The following HHAT variants were observed in gnomAD, a reference collection of about 807,000 sequenced individuals.
HHAT encodes the protein hedgehog acyltransferase.
HHAT carries 47 observed loss-of-function variants against 70.8 expected under a neutral mutation model. The observed-to-expected ratio is 0.66, with a 90% CI of 0.53 to 0.85. The LOEUF (loss-of-function observed/expected upper bound fraction) is 0.85, where lower values mean the gene tolerates loss of function less well. Among genes scored for constraint, HHAT ranks in the 40% least tolerant of loss-of-function variants. The pLI is 0.00. For synonymous variants in HHAT, 228 were observed against 247.6 expected, an observed-to-expected ratio of 0.92 and a Z score of 0.74; for missense variants, 609 against 604.8, an observed-to-expected ratio of 1.01 and a Z score of -0.07.
intron 4 of HHAT, among the ~76,000 whole-genome samples, chr1:210,396,075 C>A (rs2091767202): frequency 6.6e-6 from 1 of 152,132 alleles, no homozygotes; most frequent in African/African-American, 2.4e-5. Context: ...TTAAGTCAAC[C>A]AGGGTTAGTA....
intron 5 of HHAT, among the ~76,000 whole-genome samples, chr1:210,402,428 T>C (rs1306424149): frequency 6.6e-6 from 1 of 152,178 alleles, no homozygotes; most frequent in East Asian, 1.9e-4. Flanking sequence ...CCTTTACACA[T>C]TTACGTATGT....
chr1:210,363,004 G>T (rs866327143), intron 3 of HHAT, 85 bp downstream of exon 3: 1 of 1,158,102 alleles, frequency 8.6e-7, no homozygotes, highest in Non-Finnish European at 1.3e-6. Context: ...GTCGATCCAG[G>T]TATCAGATTC....
intron 9 of HHAT, among the ~76,000 whole-genome samples, chr1:210,553,021 C>G (rs1450817950): frequency 6.6e-6 from 1 of 152,142 alleles, no homozygotes; most frequent in Non-Finnish European, 1.5e-5. Context: ...CTTTATTCCC[C>G]CATTCAGGTG....
At chr1:210,578,191 C>G (rs1658355528) in intron 9 of HHAT, among the ~76,000 whole-genome samples, 1 of 151,970 alleles carries the variant, frequency 6.6e-6, no homozygotes, top group South Asian at 2.1e-4. Context: ...TTTAGATTTT[C>G]CTGATTCATT....
chr1:210,384,808 T>C (rs1425871025), intron 3 of HHAT, among the ~76,000 whole-genome samples: 3 of 152,258 alleles, frequency 2.0e-5, no homozygotes, highest in Admixed American at 6.5e-5. Flanking sequence ...AATGTGTGAC[T>C]GAGCTCAGAG....
chr1:210,568,889 G>T (rs1353219566), intron 9 of HHAT, among the ~76,000 whole-genome samples: 1 of 152,142 alleles, frequency 6.6e-6, no homozygotes, highest in African/African-American at 2.4e-5. Flanking sequence ...ACAACTTGGG[G>T]CCTGTGATTG....
At chr1:210,488,746 A>G (rs1189377389) in intron 8 of HHAT, among the ~76,000 whole-genome samples, 2 of 150,266 alleles carry the variant, frequency 1.3e-5, no homozygotes, top group Non-Finnish European at 3.0e-5. Context: ...TTTAAAAATG[A>G]GTAGAGCTTG....
intron 9 of HHAT, among the ~76,000 whole-genome samples, chr1:210,555,330 G>A (rs748459372): frequency 9.2e-5 from 14 of 152,294 alleles, no homozygotes; most frequent in Non-Finnish European, 1.6e-4. Flanking sequence ...AAGAGAAAGC[G>A]TCAGCCTCCA....
Position 210,375,122 on chromosome 1 carries a change from T to C in HHAT, c.159+12203T>C, listed in dbSNP as rs529374372. 3.8e-5 allele frequency among the ~76,000 whole-genome samples: 5 copies of C among 129,940 alleles called. No homozygotes were observed. The South Asian group carries it at 9.0e-4, about 23-fold the overall frequency. 85.2% of individuals were successfully genotyped at this position (129,940 alleles called of 152,430 possible). ...TTACTTGTGTATATGTATATAGTTATATGTGGTTTTATCACATGTGTAGAT... is the reference window on the plus strand; with the variant it reads ...TTACTTGTGTATATGTATATAGTTACATGTGGTTTTATCACATGTGTAGAT... On this transcript the variant is annotated intron_variant, in intron 3 of 11. Coordinates refer to ENST00000261458, the MANE Select transcript of HHAT (RefSeq NM_018194.6).
At chr1:210,553,963 C>T (rs1490451949) in intron 9 of HHAT, among the ~76,000 whole-genome samples, 1 of 152,142 alleles carries the variant, frequency 6.6e-6, no homozygotes, top group Admixed American at 6.5e-5. Flanking sequence ...AAATATTCAT[C>T]ACTGGGATCT....
chr1:210,412,890 C>T (rs2092606419), intron 6 of HHAT, among the ~76,000 whole-genome samples: 1 of 152,234 alleles, frequency 6.6e-6, no homozygotes. Flanking sequence ...CACACCCCCT[C>T]ACAGCTTTTC....
intron 9 of HHAT, among the ~76,000 whole-genome samples, chr1:210,522,813 C>G (rs114220649): frequency 0.012 from 1,851 of 151,700 alleles, 35 homozygotes; most frequent in African/African-American, 0.041. Context: ...TAACAGGATT[C>G]GAATCCTGGC....
intron 3 of HHAT, among the ~76,000 whole-genome samples, chr1:210,383,964 A>G (rs717659): frequency 0.45 from 68,856 of 151,888 alleles, 17,172 homozygotes; most frequent in African/African-American, 0.67. Context: ...GTGTGTCTTC[A>G]TTGTGGGGTG....
At chr1:210,502,011 C>A (rs112683791) in intron 8 of HHAT, among the ~76,000 whole-genome samples, 2 of 118,136 alleles carry the variant, frequency 1.7e-5, no homozygotes, top group Non-Finnish European at 3.7e-5. Context: ...TTTAGGTCTC[C>A]TCTATTCTTC....
At chr1:210,532,488 A>G (rs2095325247) in intron 9 of HHAT, among the ~76,000 whole-genome samples, 1 of 152,150 alleles carries the variant, frequency 6.6e-6, no homozygotes, top group South Asian at 2.1e-4. Flanking sequence ...TCAGCTACTC[A>G]TTGGTAAAAA....
chr1:210,671,540 G>C (rs1337768082), intron 11 of HHAT, among the ~76,000 whole-genome samples: 1 of 152,190 alleles, frequency 6.6e-6, no homozygotes, highest in Non-Finnish European at 1.5e-5. Context: ...CATCTTGAGA[G>C]GAAATCCTCC....
chr1:210,375,639 A>G (rs1022227559), intron 3 of HHAT, among the ~76,000 whole-genome samples: 1 of 151,404 alleles, frequency 6.6e-6, no homozygotes, highest in Non-Finnish European at 1.5e-5. Context: ...TTGTAGGTTT[A>G]TGCTTTTTGC....
chr1:210,466,971 G>A (rs2094121036), intron 8 of HHAT, among the ~76,000 whole-genome samples: 1 of 152,180 alleles, frequency 6.6e-6, no homozygotes, highest in Non-Finnish European at 1.5e-5. Context: ...AATCTGAGGA[G>A]GAAGCTCTGG....
At chr1:210,626,498 C>T (rs1669865989) in intron 11 of HHAT, among the ~76,000 whole-genome samples, 1 of 152,122 alleles carries the variant, frequency 6.6e-6, no homozygotes, top group Non-Finnish European at 1.5e-5. Flanking sequence ...CCAAATGAGC[C>T]TGTTTGCATC....
Sources: allele counts gnomAD v4.1 joint callset (sites outside exome capture counted in the v4.1 genomes callset), GRCh38; gene constraint gnomAD v4.1.1; transcripts MANE v1.5; gene names NCBI Gene and HGNC (gene_info 2026-07-23, HGNC 2026-07-21).